C12orf42: variants seen among roughly 807,000 people sequenced by gnomAD.
C12orf42 encodes chromosome 12 open reading frame 42.
Under a neutral mutation model 21.6 loss-of-function variants are expected in C12orf42, and 25 were observed. The ratio of observed to expected loss-of-function variants is 1.16; its 90% CI spans 0.84 to 1.62. The LOEUF (loss-of-function observed/expected upper bound fraction) is 1.62, where lower values mean the gene tolerates loss of function less well. Among genes scored for constraint, C12orf42 ranks in the 40% most tolerant of loss-of-function variants. The pLI is 0.00. For missense variants in C12orf42, 483 were observed against 459.3 expected, an observed-to-expected ratio of 1.05 and a Z score of -0.47; for synonymous variants, 174 against 175.0, an observed-to-expected ratio of 0.99 and a Z score of 0.05.
At chr12:103,436,366 A>G (rs1234720543) in intron 2 of C12orf42, among the ~76,000 whole-genome samples, 1 of 152,158 alleles carries the variant, frequency 6.6e-6, no homozygotes, top group Admixed American at 6.5e-5. Context: ...TCACTAGCTA[A>G]CATCATAATG....
At chr12:103,142,551 C>A in the C12orf42 span, among the ~76,000 whole-genome samples, 1 of 152,046 alleles carries the variant, frequency 6.6e-6, no homozygotes. Context: ...AGGACTGACC[C>A]CAAAGTTAAG....
chr12:103,294,489 G>GC lies in C12orf42; in HGVS notation n.338-17280_338-17279insG, dbSNP rs1385818175. Among the ~76,000 whole-genome samples, 65 of 109,596 alleles carry GC rather than the reference G, an allele frequency of 5.9e-4. No homozygotes were observed. In the South Asian group the frequency reaches 8.6e-3, roughly 15 times the overall value. 71.9% of individuals were successfully genotyped at this position (109,596 alleles called of 152,430 possible). A position where few individuals can be genotyped will look rare whatever the true frequency, so the allele number is the denominator to read the frequency against. Reference sequence around the variant, plus strand: ...AAGAAAGAAATAAGCAAGCAAGCAAGAAAGAAAGAAAGAAAGAAAAAGAAA... The same window carrying GC: ...AAGAAAGAAATAAGCAAGCAAGCAAGCAAAGAAAGAAAGAAAGAAAAAGAAA... On this transcript the variant is annotated intron_variant and non_coding_transcript_variant, in intron 4 of 6. Transcript: ENST00000546526.
At chr12:103,378,185 C>G (rs2045868008) in intron 3 of C12orf42, among the ~76,000 whole-genome samples, 1 of 152,176 alleles carries the variant, frequency 6.6e-6, no homozygotes, top group African/African-American at 2.4e-5. Context: ...GCATACCATT[C>G]AGAGGCTCTG....
At chr12:103,505,486 C>A in the C12orf42 span, 2 of 383,958 alleles carry the variant, frequency 5.2e-6, no homozygotes, top group Non-Finnish European at 9.8e-6. Flanking sequence ...GTCATGGGAA[C>A]GTGGTAGGGA....
intron 2 of C12orf42, among the ~76,000 whole-genome samples, chr12:103,452,978 A>T (rs1232280004): frequency 6.6e-6 from 1 of 152,044 alleles, no homozygotes; most frequent in Non-Finnish European, 1.5e-5. Context: ...ATACATATGT[A>T]ACAAACTTGC....
downstream of C12orf42, among the ~76,000 whole-genome samples, chr12:103,263,724 T>C (rs889956008): frequency 3.9e-5 from 6 of 152,196 alleles, no homozygotes; most frequent in Admixed American, 2.6e-4. Context: ...AGTCGTCCCA[T>C]ATAATCTGGA....
the C12orf42 span, among the ~76,000 whole-genome samples, chr12:103,099,835 T>C: frequency 9.9e-5 from 15 of 152,034 alleles, no homozygotes; most frequent in Admixed American, 9.8e-4. Context: ...TAGACAACTT[T>C]CATTTCTATG....
At chr12:103,373,095 G>T (rs1468215191) in intron 3 of C12orf42, among the ~76,000 whole-genome samples, 1 of 152,092 alleles carries the variant, frequency 6.6e-6, no homozygotes, top group Non-Finnish European at 1.5e-5. Context: ...GCTTTTAGTT[G>T]ATTCACTGCC....
the C12orf42 span, among the ~76,000 whole-genome samples, chr12:103,073,861 T>G: frequency 6.6e-6 from 1 of 152,182 alleles, no homozygotes; most frequent in Non-Finnish European, 1.5e-5. Flanking sequence ...GCAGGTTTTT[T>G]TGGAAGGTCC....
chr12:103,333,884 T>C (rs549045009), intron 4 of C12orf42, among the ~76,000 whole-genome samples: 3 of 152,338 alleles, frequency 2.0e-5, no homozygotes, highest in Admixed American at 6.5e-5. Flanking sequence ...ATTAAGACCA[T>C]GAACAATGCC....
chr12:103,534,106 A>G, the C12orf42 span, among the ~76,000 whole-genome samples: 1 of 152,228 alleles, frequency 6.6e-6, no homozygotes, highest in South Asian at 2.1e-4. Flanking sequence ...TTAAGGACCT[A>G]TATCTCTGAA....
At position 103,269,280 on chromosome 12, in the gene C12orf42, C is replaced by T. The variant is rs17033645; in HGVS notation, n.446-318G>A. ...CTGTTCAGAGGAAGGAAGCGGATGA[C>T]GTAAGTAGACAAATGACATAAAGCA... On this transcript the variant is annotated intron_variant and non_coding_transcript_variant, in intron 6 of 6. Coordinates refer to the C12orf42 transcript ENST00000546526. 0.011 allele frequency among the ~76,000 whole-genome samples: 1,749 copies of T among 152,146 alleles called. 96 individuals are homozygous for T. In the East Asian group the frequency reaches 0.19, roughly 16 times the overall value.
intron 4 of C12orf42, among the ~76,000 whole-genome samples, chr12:103,343,415 G>C (rs898201041): frequency 6.6e-6 from 1 of 152,076 alleles, no homozygotes; most frequent in African/African-American, 2.4e-5. Context: ...ATTTATAGAA[G>C]TCATTATGTA....
the C12orf42 span, among the ~76,000 whole-genome samples, chr12:103,191,543 C>CAA: frequency 2.0e-3 from 115 of 58,106 alleles, no homozygotes; most frequent in South Asian, 3.3e-3. Flanking sequence ...CTCCACTCTA[C>CAA]AAAAAAAAAA....
the C12orf42 span, among the ~76,000 whole-genome samples, chr12:103,138,232 G>T: frequency 6.6e-6 from 1 of 152,096 alleles, no homozygotes; most frequent in Non-Finnish European, 1.5e-5. Context: ...ATATGGTTTG[G>T]CTCTGTATCC....
chr12:103,244,183 C>A (rs755352662), intron 10 of C12orf42, among the ~76,000 whole-genome samples: 1 of 152,114 alleles, frequency 6.6e-6, no homozygotes, highest in Non-Finnish European at 1.5e-5. Flanking sequence ...TGGACATGAA[C>A]TTTCTAGTCC....
At chr12:103,498,318 G>T (rs1255775480), upstream of C12orf42, among the ~76,000 whole-genome samples, 1 of 152,240 alleles carries the variant, frequency 6.6e-6, no homozygotes, top group Non-Finnish European at 1.5e-5. Flanking sequence ...CCTAAACAGG[G>T]TATGGCACAT....
chr12:103,248,158 T>C (rs966726555), intron 10 of C12orf42, among the ~76,000 whole-genome samples: 2 of 152,064 alleles, frequency 1.3e-5, no homozygotes, highest in Non-Finnish European at 2.9e-5. Context: ...CTTTGAGTTG[T>C]AAATTTGAAA....
chr12:103,480,171 G>T (rs190812784), intron 1 of C12orf42, among the ~76,000 whole-genome samples: 98 of 151,738 alleles, frequency 6.5e-4, no homozygotes, highest in Non-Finnish European at 1.1e-3. Context: ...TTAGTAAACT[G>T]CATTTTTCAA....
Sources: allele counts gnomAD v4.1 joint callset (sites outside exome capture counted in the v4.1 genomes callset), GRCh38; gene constraint gnomAD v4.1.1; transcripts MANE v1.5; gene names NCBI Gene and HGNC (gene_info 2026-07-23, HGNC 2026-07-21).